DDAH1: variants seen among roughly 807,000 people sequenced by gnomAD.
DDAH1 encodes N(G),N(G)-dimethylarginine dimethylaminohydrolase 1.
Under a neutral mutation model 28.8 loss-of-function variants are expected in DDAH1, and 19 were observed. The observed-to-expected ratio is 0.66, with a 90% CI of 0.46 to 0.97. DDAH1 has a LOEUF of 0.97. DDAH1 is among the 50% of genes least tolerant of loss of function. The pLI is 0.00. For synonymous variants in DDAH1, 153 were observed against 154.4 expected, an observed-to-expected ratio of 0.99 and a Z score of 0.07; for missense variants, 326 against 375.9, an observed-to-expected ratio of 0.87 and a Z score of 1.10.
chr1:85,405,995 C>T (rs886527474), intron 1 of DDAH1, among the ~76,000 whole-genome samples: 1 of 152,328 alleles, frequency 6.6e-6, no homozygotes, highest in Non-Finnish European at 1.5e-5. Context: ...AAGCTAAGAA[C>T]TGACATTTAT....
At chr1:85,541,175 G>T (rs1033278522) in intron 1 of DDAH1, among the ~76,000 whole-genome samples, 12 of 152,280 alleles carry the variant, frequency 7.9e-5, no homozygotes, top group African/African-American at 2.6e-4. Context: ...CTCCTGCCAT[G>T]ATCCAGTCAC....
At chr1:85,332,189 T>C (rs12023006) in intron 4 of DDAH1, among the ~76,000 whole-genome samples, 2,617 of 152,304 alleles carry the variant, frequency 0.017, 69 homozygotes, top group East Asian at 0.12. Flanking sequence ...CCAGACTGCA[T>C]TGTGCCCTGG....
chr1:85,565,794 A>G (rs1440454652), intron 1 of DDAH1, among the ~76,000 whole-genome samples: 1 of 152,186 alleles, frequency 6.6e-6, no homozygotes, highest in Non-Finnish European at 1.5e-5. Context: ...TAAGGCCAAA[A>G]TATTGGCTGG....
intron 1 of DDAH1, among the ~76,000 whole-genome samples, chr1:85,510,208 G>T (rs1423639594): frequency 6.6e-6 from 1 of 152,108 alleles, no homozygotes; most frequent in Non-Finnish European, 1.5e-5. Context: ...CATTCTTAAA[G>T]AAAAGAATTT....
At chr1:85,323,744 G>A (rs958384914) in intron 5 of DDAH1, among the ~76,000 whole-genome samples, 1 of 151,950 alleles carries the variant, frequency 6.6e-6, no homozygotes, top group East Asian at 1.9e-4. Flanking sequence ...GCTGAAGTGG[G>A]AGGATCCTTT....
At chr1:85,576,969 C>A in intron 1 of DDAH1, 1 of 154,650 alleles carries the variant, frequency 6.5e-6, no homozygotes, top group Non-Finnish European at 1.4e-5. Flanking sequence ...CCGCCGCCGC[C>A]ACCGCCACCG....
chr1:85,373,119 T>G (rs1396553968), intron 1 of DDAH1, among the ~76,000 whole-genome samples: 1 of 152,162 alleles, frequency 6.6e-6, no homozygotes, highest in Admixed American at 6.6e-5. Flanking sequence ...CAAAACTAAA[T>G]GCATTTCAGT....
At chr1:85,460,308 T>G (rs1414448044) in intron 1 of DDAH1, among the ~76,000 whole-genome samples, 1 of 152,224 alleles carries the variant, frequency 6.6e-6, no homozygotes, top group African/African-American at 2.4e-5. Flanking sequence ...ATCCAAATTA[T>G]ATTCCCCATC....
chr1:85,519,088 CTTTTTTTTTTT>C lies in DDAH1; in HGVS notation c.-122-22818_-122-22808del, dbSNP rs71075842. Among the ~76,000 whole-genome samples, 195 of 69,142 alleles carry C rather than the reference CTTTTTTTTTTT, an allele frequency of 2.8e-3. 1 individual carries two copies. Among genetic ancestry groups the C allele is most frequent in the African/African-American group, 9.8e-3 (186 of 18,996 alleles). The allele number at this position is 69,142 out of a possible 152,430, so 45.4% of individuals were successfully genotyped here. A position where few individuals can be genotyped will look rare whatever the true frequency, so the allele number is the denominator to read the frequency against. On this transcript the variant is annotated intron_variant, in intron 1 of 6. Transcript: ENST00000426972. ...CAAGAAGAAACGAGGAAAGACGGATCTTTTTTTTTTTTTTTTTTTTTTTGAGACGGAGTCTT... is the reference window on the plus strand; with the variant it reads ...CAAGAAGAAACGAGGAAAGACGGATCTTTTTTTTTTTTGAGACGGAGTCTT...
chr1:85,490,914 C>T (rs1356441172), intron 2 of DDAH1, among the ~76,000 whole-genome samples: 2 of 152,178 alleles, frequency 1.3e-5, no homozygotes, highest in Admixed American at 1.3e-4. Flanking sequence ...AGATTCTGGC[C>T]TCTTGGCTCC....
intron 1 of DDAH1, among the ~76,000 whole-genome samples, chr1:85,370,020 A>G (rs1385396290): frequency 2.0e-5 from 3 of 152,216 alleles, no homozygotes; most frequent in East Asian, 3.9e-4. Context: ...GAAGAGGGCA[A>G]GTGTTATGGG....
intron 1 of DDAH1, among the ~76,000 whole-genome samples, chr1:85,506,298 T>G (rs1657014263): frequency 6.6e-6 from 1 of 152,182 alleles, no homozygotes; most frequent in South Asian, 2.1e-4. Context: ...AAGAGGTCAG[T>G]GTGAAAGAGT....
chr1:85,545,797 G>A (rs1570663433), intron 1 of DDAH1, among the ~76,000 whole-genome samples: 1 of 152,076 alleles, frequency 6.6e-6, no homozygotes. Context: ...AGGGAGGAGG[G>A]GGGAGAAGAA....
intron 1 of DDAH1, among the ~76,000 whole-genome samples, chr1:85,369,242 T>G (rs1650249174): frequency 7.4e-6 from 1 of 134,910 alleles, no homozygotes; most frequent in Non-Finnish European, 1.6e-5. Context: ...TTTTTTTTTG[T>G]AGAGATGGGG....
Position 85,571,309 on chromosome 1 carries a change from C to T in DDAH1, c.-123+6675G>A, listed in dbSNP as rs534666188. On this transcript the variant is annotated intron_variant, in intron 1 of 6. Transcript: ENST00000426972. ...CTCACTTTTAGATGTTTTCTAATCTCTCAGGAATGTGCACATTCCTTGCAG... is the reference window on the plus strand; with the variant it reads ...CTCACTTTTAGATGTTTTCTAATCTTTCAGGAATGTGCACATTCCTTGCAG... 4.6e-5 allele frequency among the ~76,000 whole-genome samples: 7 copies of T among 152,296 alleles called. No individual in the cohort carries two copies. In the South Asian group the frequency reaches 1.5e-3, roughly 32 times the overall value.
intron 4 of DDAH1, among the ~76,000 whole-genome samples, chr1:85,335,628 T>C (rs1016323432): frequency 6.6e-6 from 1 of 152,170 alleles, no homozygotes; most frequent in African/African-American, 2.4e-5. Flanking sequence ...CAGTTCTAAA[T>C]ACATATGCAC....
chr1:85,324,786 T>C lies in DDAH1; in HGVS notation c.695A>G (p.His232Arg), dbSNP rs748295472. The C allele has an allele frequency of 3.1e-6, 5 of 1,614,170 alleles. No individual in the cohort carries two copies. In the South Asian group the frequency reaches 5.5e-5, roughly 18 times the overall value. ...CIYLNIPNKG[H>R]VLLHRTPEEY... ...TTCCGGGGTTCGGTGCAGCAAGACG[T>C]GCCCTTTGTTGGGGATATTTAGATA... Residue 232 changes from histidine to arginine, a missense_variant, in exon 5 of 6, where the codon CAC becomes CGC. Coordinates refer to ENST00000284031, the MANE Select transcript of DDAH1 (RefSeq NM_012137.4).
intron 2 of DDAH1, 96 bp from the exon 3 acceptor site, chr1:85,351,675 G>T: frequency 1.1e-6 from 1 of 900,126 alleles, no homozygotes; most frequent in Non-Finnish European, 1.8e-6. Flanking sequence ...GCATCACACA[G>T]TTCTCTCTTA....
At chr1:85,511,506 G>A (rs534237656) in intron 1 of DDAH1, among the ~76,000 whole-genome samples, 23 of 152,260 alleles carry the variant, frequency 1.5e-4, no homozygotes, top group Non-Finnish European at 3.1e-4. Context: ...GATCAGAGTA[G>A]AACTGAAAGG....
Sources: gnomAD v4.1 joint callset for allele counts (sites outside exome capture counted in the v4.1 genomes callset) on GRCh38, gnomAD v4.1.1 for gene constraint, MANE v1.5 for transcripts, NCBI Gene and HGNC (gene_info 2026-07-23, HGNC 2026-07-21) for gene names.